PHC2: variants seen among roughly 807,000 people sequenced by gnomAD.
The protein encoded by PHC2 is polyhomeotic-like protein 2.
PHC2 carries 29 observed loss-of-function variants against 87.4 expected under a neutral mutation model. The observed-to-expected ratio is 0.33, with a 90% CI of 0.25 to 0.45. PHC2 has a LOEUF of 0.45. PHC2 is among the 20% of genes least tolerant of loss of function. The probability of loss-of-function intolerance (pLI) is 1.00; values close to 1 mark genes in which losing one functional copy is unlikely to be tolerated. For missense variants in PHC2, 857 were observed against 1,136.7 expected (o/e 0.75, Z 3.54); for synonymous variants, 438 against 461.7 (o/e 0.95, Z 0.66).
Position 33,331,397 on chromosome 1 carries a change from A to G in PHC2, c.1957T>C (p.Tyr653His). Residue 653 changes from tyrosine (Y) to histidine (H), a missense_variant, in exon 12 of 15, where the codon TAT becomes CAT. Transcript: ENST00000683057. The surrounding 1 kb of genome is among the most constrained non-coding windows in gnomAD (Gnocchi z 5.2). Reference protein sequence around the residue: ...CELCGRVDFAYKFKRSKRFCS... With the variant: ...CELCGRVDFAHKFKRSKRFCS... The stretch of plus-strand genomic sequence containing the variant: ...AAGCGCTTGGAACGCTTGAACTTAT[A>G]GGCAAAGTCCACCCGGCCACAGAGC... 2 of 1,613,118 alleles carry G rather than the reference A, an allele frequency of 1.2e-6. No homozygotes were observed. The highest frequency in any genetic ancestry group is 1.7e-6 in the Non-Finnish European group (2 of 1,179,296).
In PHC2 at chr1:33,372,288, C is replaced by G; in HGVS notation, c.333+1G>C. The G allele has an allele frequency of 3.2e-6, 5 of 1,550,390 alleles. 1 individual carries two copies. Among genetic ancestry groups the G allele is most frequent in the Non-Finnish European group, 4.4e-6 (5 of 1,143,070 alleles). ...GCCTCAAGGTCCTTCCCAAGTCTCA[C>G]CTGCTGTACGGCTGCCAGGCTCTGG... On this transcript the variant is annotated splice_donor_variant, in intron 3 of 14. Coordinates refer to ENST00000683057, the MANE Select transcript of PHC2 (RefSeq NM_001385109.1). LOFTEE classifies it high-confidence loss of function.
At chr1:33,338,834 G>T (rs1011045906) in intron 9 of PHC2, among the ~76,000 whole-genome samples, 2 of 152,164 alleles carry the variant, frequency 1.3e-5, no homozygotes, top group African/African-American at 4.8e-5. Context: ...GGATAAGGCC[G>T]ATGGGAGAGG....
intron 1 of PHC2, among the ~76,000 whole-genome samples, chr1:33,376,496 A>G (rs1648191350): frequency 6.6e-6 from 1 of 152,182 alleles, no homozygotes; most frequent in Non-Finnish European, 1.5e-5. Context: ...ACTTCCTATA[A>G]CGTTCTCCCT....
chr1:33,332,336 T>G lies in PHC2; in HGVS notation c.1830A>C (p.Lys610Asn). The G allele has an allele frequency of 1.2e-6, 2 of 1,613,920 alleles. No individual in the cohort carries two copies. The highest frequency in any genetic ancestry group is 1.7e-6 in the Non-Finnish European group (2 of 1,179,954). ...TGGTGGTGTGATCCTGCTGTGGAAGTTTCTCAGGCAGGAACCCCTGTGCAT... is the reference window on the plus strand; with the variant it reads ...TGGTGGTGTGATCCTGCTGTGGAAGGTTCTCAGGCAGGAACCCCTGTGCAT... Reference protein sequence around the residue: ...KKYAQGFLPEKLPQQDHTTTT... With the variant: ...KKYAQGFLPENLPQQDHTTTT... The change falls in exon 11 of 15, where the codon AAA (lysine) becomes AAC (asparagine). Residue 610 changes from lysine (K) to asparagine (N), a missense_variant. By Grantham distance (94) the Lys-to-Asn change is moderately conservative (BLOSUM62 0). Around this residue, in one of 3 missense-constraint regions of PHC2, gnomAD observed 832 missense variants for 1,081.8 expected, o/e 0.77. Coordinates refer to ENST00000683057, the MANE Select transcript of PHC2 (RefSeq NM_001385109.1). This position sits in a 1 kb window ranked among gnomAD's most constrained non-coding sequence, Gnocchi z 4.2.
chr1:33,371,433 A>ACCATCACACCTGGCCACCG (rs1557837855), intron 3 of PHC2, among the ~76,000 whole-genome samples: 11 of 151,338 alleles, frequency 7.3e-5, no homozygotes, highest in African/African-American at 2.4e-4. Context: ...CCCAGCCACC[A>ACCATCACACCTGGCCACCG]CCATCACACC....
chr1:33,407,817 C>A lies in PHC2; in HGVS notation c.-55+23159G>T, dbSNP rs149683899. Among the ~76,000 whole-genome samples, 540 of 152,208 alleles carry A rather than the reference C, an allele frequency of 3.5e-3. 4 individuals are homozygous for A. The highest frequency in any genetic ancestry group is 0.012 in the African/African-American group (518 of 41,538). Reference sequence around the variant, plus strand: ...ATTTACATACCTAATAATCTTAACACTTTAAAAAAATGGTACAATCAATGT... The same window carrying A: ...ATTTACATACCTAATAATCTTAACAATTTAAAAAAATGGTACAATCAATGT... On this transcript the variant is annotated intron_variant, in intron 1 of 14. Transcript: ENST00000683057.
intron 9 of PHC2, among the ~76,000 whole-genome samples, chr1:33,351,599 G>GT (rs1491394883): frequency 2.0e-5 from 3 of 152,074 alleles, no homozygotes; most frequent in Admixed American, 2.0e-4. Context: ...GGTACAGACC[G>GT]TGTTTCTCAG....
At chr1:33,403,471 A>G (rs879584557) in intron 1 of PHC2, among the ~76,000 whole-genome samples, 1 of 152,184 alleles carries the variant, frequency 6.6e-6, no homozygotes, top group Admixed American at 6.5e-5. Context: ...TGGGCAGATG[A>G]AGAAGGTAGA....
chr1:33,350,908 AAC>A (rs1557828114), intron 9 of PHC2, among the ~76,000 whole-genome samples: 1 of 152,192 alleles, frequency 6.6e-6, no homozygotes, highest in Non-Finnish European at 1.5e-5. Flanking sequence ...AAACTAGGGT[AAC>A]ACAGGATTGT....
At chr1:33,361,093 A>G (rs1647185103) in intron 7 of PHC2, among the ~76,000 whole-genome samples, 1 of 152,226 alleles carries the variant, frequency 6.6e-6, no homozygotes, top group Admixed American at 6.5e-5. Flanking sequence ...GGCATATGAC[A>G]GGCCAAGAAA....
chr1:33,345,553 C>A (rs1324450565), intron 9 of PHC2: 7 of 985,132 alleles, frequency 7.1e-6, no homozygotes, highest in Non-Finnish European at 8.4e-6. Context: ...CATGGTCTTA[C>A]AATGAATCTC....
At chr1:33,354,340 C>A in intron 9 of PHC2, 61 bp downstream of exon 9, 2 of 1,484,084 alleles carry the variant, frequency 1.3e-6, no homozygotes. Flanking sequence ...TGAAATGTGC[C>A]AGGGCATGGC....
chr1:33,357,412 G>C (rs1570480458), intron 7 of PHC2, among the ~76,000 whole-genome samples: 1 of 152,170 alleles, frequency 6.6e-6, no homozygotes, highest in Non-Finnish European at 1.5e-5. Flanking sequence ...ATTCCAATAG[G>C]AATGGAAAGG....
intron 1 of PHC2, among the ~76,000 whole-genome samples, chr1:33,430,527 C>A (rs1463894712): frequency 6.6e-6 from 1 of 152,122 alleles, no homozygotes; most frequent in Non-Finnish European, 1.5e-5. Context: ...GCGGAGCAGG[C>A]GCAGGCCGCG....
intron 1 of PHC2, among the ~76,000 whole-genome samples, chr1:33,384,338 A>C (rs1318166832): frequency 1.3e-5 from 2 of 152,208 alleles, no homozygotes; most frequent in Non-Finnish European, 2.9e-5. Context: ...CCCACTATCC[A>C]TTTGAATATG....
chr1:33,383,812 C>A (rs1192988439), intron 1 of PHC2, among the ~76,000 whole-genome samples: 2 of 152,134 alleles, frequency 1.3e-5, no homozygotes, highest in Non-Finnish European at 2.9e-5. Flanking sequence ...AAGCCAGCCA[C>A]GTGAAGATGG....
intron 1 of PHC2, among the ~76,000 whole-genome samples, chr1:33,376,014 G>A (rs971431309): frequency 6.6e-6 from 1 of 152,194 alleles, no homozygotes; most frequent in Non-Finnish European, 1.5e-5. Context: ...TTTCCAGTCT[G>A]TGGTGGGGCC....
intron 1 of PHC2, among the ~76,000 whole-genome samples, chr1:33,381,286 C>T (rs1031539862): frequency 3.3e-5 from 5 of 152,056 alleles, no homozygotes; most frequent in African/African-American, 4.8e-5. Context: ...CCTTGTGCTT[C>T]GTTCCATAGA....
chr1:33,329,962 G>T, intron 13 of PHC2, 109 bp downstream of exon 13: 2 of 1,213,710 alleles, frequency 1.6e-6, no homozygotes, highest in South Asian at 1.4e-5. Context: ...TGAGAGCACA[G>T]CAGAGTGCGC....
Sources: gnomAD v4.1 joint callset for allele counts (sites outside exome capture counted in the v4.1 genomes callset) on GRCh38, gnomAD v4.1.1 for gene constraint, gnomAD v4.1.1 regional missense constraint, Gnocchi (gnomAD v3.1) non-coding constraint, MANE v1.5 for transcripts, NCBI Gene and HGNC (gene_info 2026-07-23, HGNC 2026-07-21) for gene names.